VPS13B: variants seen among roughly 807,000 people sequenced by gnomAD.
VPS13B encodes the protein vacuolar protein sorting 13 homolog B, also known as intermembrane lipid transfer protein VPS13B.
In VPS13B, 285 loss-of-function variants were observed where a neutral mutation model predicts 426.4. That is an observed-to-expected ratio of 0.67 (90% CI 0.61 to 0.74). The LOEUF (loss-of-function observed/expected upper bound fraction) is 0.74. Ranked by LOEUF, VPS13B falls within the 30% of genes least tolerant of loss-of-function variation. The pLI is 0.00. For synonymous variants in VPS13B, 1,676 were observed against 1,676.4 expected (o/e 1.00, Z 0.01); for missense variants, 4,537 against 4,782.6 (o/e 0.95, Z 1.51).
In VPS13B at chr8:99,124,882, C is replaced by CAAAAA. The variant is rs34328080; in HGVS notation, c.1206+3453_1206+3457dup. ...GGGCAACAAGAGCAAGACTCCGTCT[C>CAAAAA]AAAAAAAAAAAAAAAAAAAAGGAAT... is the stretch of plus-strand genomic sequence containing the variant. On this transcript the variant is annotated intron_variant, in intron 8 of 61. Transcript: ENST00000357162. Among the ~76,000 whole-genome samples the CAAAAA allele has an allele frequency of 1.8e-3, 158 of 86,064 alleles. 4 individuals carry two copies. The highest frequency in any genetic ancestry group is 6.4e-3 in the African/African-American group (126 of 19,732). The allele number at this position is 86,064 out of a possible 152,430, so 56.5% of individuals were successfully genotyped here.
intron 7 of VPS13B, among the ~76,000 whole-genome samples, chr8:99,116,961 A>G (rs888866710): frequency 1.3e-5 from 2 of 152,222 alleles, no homozygotes; most frequent in African/African-American, 2.4e-5. Context: ...TGGGACAGAT[A>G]GACATGTCAG....
chr8:99,721,920 A>G (rs1833148663), intron 39 of VPS13B, among the ~76,000 whole-genome samples: 1 of 152,190 alleles, frequency 6.6e-6, no homozygotes, highest in Admixed American at 6.5e-5. Flanking sequence ...ACCACTTGGA[A>G]TGCATTCTCC....
At chr8:99,495,280 A>G (rs1820825907) in intron 25 of VPS13B, among the ~76,000 whole-genome samples, 1 of 152,242 alleles carries the variant, frequency 6.6e-6, no homozygotes, top group South Asian at 2.1e-4. Flanking sequence ...TATGTTCATT[A>G]AGTCACTACA....
At chr8:99,691,481 C>T (rs190193693) in intron 35 of VPS13B, among the ~76,000 whole-genome samples, 10 of 151,860 alleles carry the variant, frequency 6.6e-5, no homozygotes, top group East Asian at 3.9e-4. Flanking sequence ...GTATTGTGCA[C>T]GGGTGACTCA....
chr8:99,131,992 G>C (rs1186565454), intron 8 of VPS13B, among the ~76,000 whole-genome samples: 5 of 152,100 alleles, frequency 3.3e-5, no homozygotes, highest in African/African-American at 1.2e-4. Context: ...CGCCTCCCAG[G>C]TTCAAGCAAT....
chr8:99,857,271 T>C (rs1424225653), intron 56 of VPS13B, among the ~76,000 whole-genome samples: 2 of 152,098 alleles, frequency 1.3e-5, no homozygotes, highest in African/African-American at 4.8e-5. Flanking sequence ...TCCCACTCCC[T>C]CTCTACGCCC....
At chr8:99,024,091 A>G (rs986494106) in intron 2 of VPS13B, among the ~76,000 whole-genome samples, 1 of 152,140 alleles carries the variant, frequency 6.6e-6, no homozygotes. Context: ...TTGTTTGGGT[A>G]ATAGCTATTC....
rs887164926 is a variant in VPS13B at position 99,428,733 on chromosome 8, G to A, written c.3083-2804G>A. Among the ~76,000 whole-genome samples, 145 of 152,250 alleles carry A rather than the reference G, an allele frequency of 9.5e-4. 1 individual carries two copies. Among genetic ancestry groups the A allele is most frequent in the African/African-American group, 3.4e-3 (142 of 41,540 alleles). ...TGGAAGTCAGTGTGGTGATTCCTCA[G>A]GGATCAAGAACTAGAAATACCATTT... On this transcript the variant is annotated intron_variant, in intron 21 of 61. Coordinates refer to ENST00000357162, the MANE Select transcript of VPS13B (RefSeq NM_152564.5).
intron 19 of VPS13B, among the ~76,000 whole-genome samples, chr8:99,336,173 T>G (rs1416748584): frequency 2.0e-5 from 3 of 152,036 alleles, no homozygotes; most frequent in Admixed American, 6.6e-5. Flanking sequence ...GAGATATAGA[T>G]CAATGGAACA....
chr8:99,697,511 GAGA>G (rs1429950714), intron 35 of VPS13B: 11 of 737,216 alleles, frequency 1.5e-5, no homozygotes, highest in Non-Finnish European at 2.5e-5. Context: ...GCTCACCAAA[GAGA>G]AGGAGGAGCT....
intron 37 of VPS13B, 123 bp downstream of exon 37, chr8:99,717,496 T>A (rs1832971326): frequency 1.0e-5 from 9 of 900,944 alleles, no homozygotes; most frequent in Non-Finnish European, 1.6e-5. Flanking sequence ...AGATTGCTAC[T>A]TGTTAAATTT....
intron 29 of VPS13B, among the ~76,000 whole-genome samples, chr8:99,517,761 T>G (rs1822165134): frequency 6.6e-6 from 1 of 152,154 alleles, no homozygotes; most frequent in Non-Finnish European, 1.5e-5. Flanking sequence ...GCATTCATTT[T>G]CATGTTGAAA....
chr8:99,605,055 C>G (rs1827508479), intron 33 of VPS13B, among the ~76,000 whole-genome samples: 1 of 152,194 alleles, frequency 6.6e-6, no homozygotes, highest in Non-Finnish European at 1.5e-5. Context: ...ATTTCTAAGT[C>G]TTTCAGAGCT....
At chr8:99,680,214 G>T (rs1831103739) in intron 35 of VPS13B, among the ~76,000 whole-genome samples, 1 of 152,140 alleles carries the variant, frequency 6.6e-6, no homozygotes, top group South Asian at 2.1e-4. Context: ...CATCATAAAT[G>T]TAAGTAATAT....
At chr8:99,134,010 G>A (rs1192758237) in intron 8 of VPS13B, among the ~76,000 whole-genome samples, 1 of 152,182 alleles carries the variant, frequency 6.6e-6, no homozygotes, top group East Asian at 1.9e-4. Context: ...TGCAATATCT[G>A]CGAAGTGAAA....
intron 33 of VPS13B, among the ~76,000 whole-genome samples, chr8:99,606,663 C>G (rs1827607057): frequency 8.3e-6 from 1 of 120,330 alleles, no homozygotes; most frequent in African/African-American, 3.1e-5. Flanking sequence ...GAGTTTCACT[C>G]TTGTTTCCCA....
intron 15 of VPS13B, among the ~76,000 whole-genome samples, chr8:99,165,806 C>T (rs1258764578): frequency 1.3e-5 from 2 of 152,090 alleles, no homozygotes; most frequent in African/African-American, 4.8e-5. Context: ...CAAAATTTTG[C>T]CTACAGGCTC....
chr8:99,131,192 G>A (rs998699506), intron 8 of VPS13B, among the ~76,000 whole-genome samples: 1 of 152,070 alleles, frequency 6.6e-6, no homozygotes, highest in South Asian at 2.1e-4. Context: ...GTTCCTTTAT[G>A]TTCTTTACCC....
chr8:99,741,745 A>G (rs1362202794), intron 39 of VPS13B, among the ~76,000 whole-genome samples: 1 of 152,238 alleles, frequency 6.6e-6, no homozygotes, highest in Non-Finnish European at 1.5e-5. Flanking sequence ...AACGAAATGA[A>G]GGCAGAAATA....
Sources: gnomAD v4.1 joint callset for allele counts (sites outside exome capture counted in the v4.1 genomes callset) on GRCh38, gnomAD v4.1.1 for gene constraint, MANE v1.5 for transcripts, NCBI Gene and HGNC (gene_info 2026-07-23, HGNC 2026-07-21) for gene names.